Variants in KCNQ2 observed in about 807,000 individuals in gnomAD.
KCNQ2 encodes potassium voltage-gated channel subfamily KQT member 2.
In KCNQ2, 14 loss-of-function variants were observed where a neutral mutation model predicts 84.8. That is an observed-to-expected ratio of 0.17 (90% CI 0.11 to 0.26). The LOEUF is 0.26. Ranked by LOEUF, KCNQ2 falls within the 10% of genes least tolerant of loss-of-function variation. The pLI is 1.00. For missense variants in KCNQ2, 788 were observed against 1,254.0 expected (o/e 0.63, Z 5.61); for synonymous variants, 599 against 554.1 (o/e 1.08, Z -1.14).
In KCNQ2 at chr20:63,406,798, G is replaced by T. The variant is rs796052661; in HGVS notation, c.2465C>A (p.Ala822Glu). The change falls in exon 17 of 17, where the codon GCG becomes GAG. Residue 822 changes from alanine to glutamate, a missense_variant. Physicochemically the swap from Ala to Glu is moderately radical, Grantham distance 107 (BLOSUM62 -1). Transcript: ENST00000359125. ...ENLDALNSCY[A>E]AVAPCAKVRP... ...GACTTTGGCACAAGGCGCCACGGCC[G>T]CGTAGCAGCTGTTGAGAGCATCCAG... 6.2e-7 allele frequency: 1 copy of T among 1,612,622 alleles called. No homozygotes were observed. The highest frequency in any genetic ancestry group is 8.5e-7 in the Non-Finnish European group (1 of 1,179,866).
Position 63,407,148 on chromosome 20 carries a change from C to T in KCNQ2, c.2115G>A (p.Pro705=), listed in dbSNP as rs754279476. Residue 705 remains proline, a synonymous_variant, in exon 17 of 17, where the codon CCG becomes CCA. Transcript: ENST00000359125. This position sits in a 1 kb window ranked among gnomAD's most constrained non-coding sequence, Gnocchi z 7.2. ...GCGGACACTGGACAGGGGGCGCGGC[C>T]GGGGGCGCCGAGAAGTTCTTCTGGC... The part of the protein sequence containing the change: ...STGQKNFSAP[P]AAPPVQCPPS... The T allele has an allele frequency of 1.3e-5, 20 of 1,580,842 alleles. No homozygotes were observed. Among genetic ancestry groups the T allele is most frequent in the South Asian group, 6.8e-5 (6 of 88,016 alleles).
Position 63,428,443 on chromosome 20 carries a change from A to G in KCNQ2, c.1149-8T>C, listed in dbSNP as rs1459803620. 3 of 1,585,294 alleles carry G rather than the reference A, an allele frequency of 1.9e-6. No homozygotes were observed. Among genetic ancestry groups the G allele is most frequent in the Non-Finnish European group, 2.6e-6 (3 of 1,165,828 alleles). ...TTCAGCGGGGGGATAAGTCTGGGGC[A>G]AGAGAAGGAGAGGGGAGTGAGCGTC... On this transcript the variant is annotated splice_polypyrimidine_tract_variant and splice_region_variant and intron_variant, in intron 9 of 16. Coordinates refer to ENST00000359125, the MANE Select transcript of KCNQ2 (RefSeq NM_172107.4).
At chr20:63,441,925 G>C (rs891611011) in intron 5 of KCNQ2, among the ~76,000 whole-genome samples, 1 of 152,188 alleles carries the variant, frequency 6.6e-6, no homozygotes, top group Admixed American at 6.5e-5. Flanking sequence ...CCCTGCCCCT[G>C]TGCACCAGCA....
chr20:63,407,378 G>A lies in KCNQ2; in HGVS notation c.1888-3C>T, dbSNP rs772971971. 2.9e-5 allele frequency: 46 copies of A among 1,597,662 alleles called. No homozygotes were observed. Among genetic ancestry groups the A allele is most frequent in the Non-Finnish European group, 3.6e-5 (42 of 1,179,576 alleles). Reference sequence around the variant, plus strand: ...AGCTTCTTCTCCATGGACAAGACCTGCAAAAGGGGCTGCTGGGCTGGGGTG... The same window carrying A: ...AGCTTCTTCTCCATGGACAAGACCTACAAAAGGGGCTGCTGGGCTGGGGTG... On this transcript the variant is annotated splice_polypyrimidine_tract_variant and splice_region_variant and intron_variant, in intron 16 of 16. Coordinates refer to ENST00000359125, the MANE Select transcript of KCNQ2 (RefSeq NM_172107.4). The surrounding 1 kb of genome is among the most constrained non-coding windows in gnomAD (Gnocchi z 7.2).
chr20:63,442,648 C>CTT (rs2081201608), intron 4 of KCNQ2, 117 bp from the exon 5 acceptor site: 2 of 838,250 alleles, frequency 2.4e-6, no homozygotes, highest in African/African-American at 2.4e-5. Flanking sequence ...CCACCAAAAC[C>CTT]ATCACCACCA....
At chr20:63,457,174 G>A (rs913374530) in intron 1 of KCNQ2, among the ~76,000 whole-genome samples, 3 of 152,246 alleles carry the variant, frequency 2.0e-5, no homozygotes, top group Non-Finnish European at 2.9e-5. Context: ...GACCGCCGGG[G>A]CTGGAGGGGA....
intron 11 of KCNQ2, chr20:63,423,886 C>A: frequency 3.8e-6 from 2 of 523,432 alleles, no homozygotes; most frequent in Non-Finnish European, 6.9e-6. Context: ...AACCCTGGGG[C>A]CAGACTTGTG....
intron 8 of KCNQ2, among the ~76,000 whole-genome samples, chr20:63,432,902 G>A (rs1186224223): frequency 2.0e-5 from 3 of 152,174 alleles, no homozygotes; most frequent in Non-Finnish European, 4.4e-5. Flanking sequence ...CCACCCTTAG[G>A]GAAGGCTCCA....
intron 4 of KCNQ2, 48 bp from the exon 5 acceptor site, chr20:63,442,579 TCACCATCACCACCACCAACACCAC>T (rs2081195351): frequency 6.3e-7 from 1 of 1,592,296 alleles, no homozygotes; most frequent in Non-Finnish European, 8.6e-7. Context: ...ACCAGAAGCA[TCACCATCACCACCACCAACACCAC>T]CACCATCACA....
At chr20:63,437,554 C>T (rs1025538352) in intron 7 of KCNQ2, among the ~76,000 whole-genome samples, 8 of 152,246 alleles carry the variant, frequency 5.3e-5, no homozygotes, top group Non-Finnish European at 1.2e-4. Context: ...CAGTCTCCGC[C>T]TTTGTGGTCA....
intron 2 of KCNQ2, 150 bp from the exon 3 acceptor site, chr20:63,445,514 T>A: frequency 5.7e-5 from 17 of 297,216 alleles, no homozygotes; most frequent in Non-Finnish European, 8.2e-5. Flanking sequence ...CCCCCACCCC[T>A]CTCCAGCCTC....
In KCNQ2 at chr20:63,406,769, G is replaced by A; in HGVS notation, c.2494C>T (p.Pro832Ser). ...AAVAPCAKVRPYIAEGESDTD... is the reference protein window; with the variant it reads ...AAVAPCAKVRSYIAEGESDTD... ...TCTGACTCTCCCTCCGCAATGTAGG[G>A]CCTGACTTTGGCACAAGGCGCCACG... Residue 832 changes from proline to serine, a missense_variant, in exon 17 of 17, where the codon CCC (proline) becomes TCC (serine). Pro to Ser is a moderately conservative substitution (Grantham distance 74). Coordinates refer to ENST00000359125, the MANE Select transcript of KCNQ2 (RefSeq NM_172107.4). 1 of 1,612,494 alleles carries A rather than the reference G, an allele frequency of 6.2e-7. No homozygotes were observed. Among genetic ancestry groups the A allele is most frequent in the Non-Finnish European group, 8.5e-7 (1 of 1,179,828 alleles).
At chr20:63,468,119 C>T (rs942870329) in intron 1 of KCNQ2, among the ~76,000 whole-genome samples, 5 of 152,162 alleles carry the variant, frequency 3.3e-5, no homozygotes, top group African/African-American at 9.7e-5. Context: ...AGAAATCCTG[C>T]GAGGAAGCCC....
chr20:63,442,807 T>C (rs934950542), intron 4 of KCNQ2, among the ~76,000 whole-genome samples: 450 of 7,068 alleles, frequency 0.064, no homozygotes, highest in African/African-American at 0.093. Flanking sequence ...CCACCACCAT[T>C]ACCACCACCA....
intron 9 of KCNQ2, among the ~76,000 whole-genome samples, chr20:63,428,725 C>T (rs2080706939): frequency 6.6e-6 from 1 of 152,152 alleles, no homozygotes; most frequent in Non-Finnish European, 1.5e-5. Flanking sequence ...GCAGCCCCGA[C>T]CCTGCAGCCT....
Position 63,438,601 on chromosome 20 carries a change from TCC to T in KCNQ2, c.1023+22_1023+23del. On this transcript the variant is annotated intron_variant, in intron 7 of 16. Coordinates refer to ENST00000359125, the MANE Select transcript of KCNQ2 (RefSeq NM_172107.4). The surrounding 1 kb of genome is among the most constrained non-coding windows in gnomAD (Gnocchi z 5.1). ...GGGACCAGGACAAGGGCTGTGCTGGTCCCCGGGGGACACCTGGACTCACCTGG... is the reference window on the plus strand; with the variant it reads ...GGGACCAGGACAAGGGCTGTGCTGGTCCGGGGGACACCTGGACTCACCTGG... 6.2e-7 allele frequency: 1 copy of T among 1,602,868 alleles called. No homozygotes were observed. The highest frequency in any genetic ancestry group is 8.5e-7 in the Non-Finnish European group (1 of 1,170,530).
chr20:63,411,477 G>A (rs981472238), intron 15 of KCNQ2, among the ~76,000 whole-genome samples: 6 of 152,180 alleles, frequency 3.9e-5, no homozygotes, highest in Admixed American at 1.3e-4. Flanking sequence ...GGTGCTGCCC[G>A]GGGGCCTCCC....
At chr20:63,455,317 G>A (rs1460558274) in intron 1 of KCNQ2, among the ~76,000 whole-genome samples, 3 of 152,200 alleles carry the variant, frequency 2.0e-5, no homozygotes, top group Admixed American at 6.5e-5. Flanking sequence ...CCCAGATTCA[G>A]GCAAAGAGTC....
Position 63,408,187 on chromosome 20 carries a change from C to T in KCNQ2, c.1887+226G>A. 1.8e-6 allele frequency: 1 copy of T among 569,578 alleles called. No individual in the cohort carries two copies. Among genetic ancestry groups the T allele is most frequent in the African/African-American group, 1.9e-5 (1 of 53,176 alleles). 35.3% of individuals were successfully genotyped at this position (569,578 alleles called of 1,614,324 possible). On this transcript the variant is annotated intron_variant, in intron 16 of 16. Coordinates refer to ENST00000359125, the MANE Select transcript of KCNQ2 (RefSeq NM_172107.4). The surrounding 1 kb of genome is among the most constrained non-coding windows in gnomAD (Gnocchi z 5.0). ...CACCCAGGACTCCTGGGGACTTTGG[C>T]CCTTGGGTACTGTCAGGAGGGAAGG... is the stretch of plus-strand genomic sequence containing the variant.
Sources: gnomAD v4.1 joint callset for allele counts (sites outside exome capture counted in the v4.1 genomes callset) on GRCh38, gnomAD v4.1.1 for gene constraint, Gnocchi (gnomAD v3.1) non-coding constraint, MANE v1.5 for transcripts, NCBI Gene and HGNC (gene_info 2026-07-23, HGNC 2026-07-21) for gene names.